MRTFB: variants seen among roughly 807,000 people sequenced by gnomAD.
The protein encoded by MRTFB is myocardin-related transcription factor B.
In MRTFB, 29 loss-of-function variants were observed where a neutral mutation model predicts 104.2. The ratio of observed to expected loss-of-function variants is 0.28; its 90% CI spans 0.21 to 0.38. The LOEUF (loss-of-function observed/expected upper bound fraction) is 0.38. Ranked by LOEUF, MRTFB falls within the 10% of genes least tolerant of loss-of-function variation. The pLI is 1.00. For missense variants in MRTFB, 1,270 were observed against 1,341.6 expected (o/e 0.95, Z 0.83); for synonymous variants, 535 against 519.5 (o/e 1.03, Z -0.41).
chr16:14,238,639 G>C (rs2042630005), intron 9 of MRTFB, among the ~76,000 whole-genome samples: 2 of 152,138 alleles, frequency 1.3e-5, no homozygotes, highest in South Asian at 2.1e-4. Flanking sequence ...ATGTTAGAAG[G>C]ATTGTACATG....
At position 14,218,934 on chromosome 16, in the gene MRTFB, C is replaced by T. The variant is rs1409853586; in HGVS notation, c.629C>T (p.Ala210Val). Residue 210 changes from alanine to valine, a missense_variant, in exon 8 of 17, where the codon GCG becomes GTG. By Grantham distance (64) the Ala-to-Val change is moderately conservative. Coordinates refer to ENST00000571589, the MANE Select transcript of MRTFB (RefSeq NM_001308142.2). The stretch of plus-strand genomic sequence containing the variant: ...AGTCAGGAGTCACAGGGGTCAGCCG[C>T]GTCCCCAAGTGAGCCAAAAGTTAGT... ...PASQESQGSA[A>V]SPSEPKVSES... is the part of the protein sequence containing the mutation. 1.9e-6 allele frequency: 3 copies of T among 1,614,070 alleles called. No homozygotes were observed. Among genetic ancestry groups the T allele is most frequent in the Non-Finnish European group, 2.5e-6 (3 of 1,180,002 alleles).
At chr16:14,039,760 C>CTTTTTTTT in the MRTFB span, among the ~76,000 whole-genome samples, 5 of 121,940 alleles carry the variant, frequency 4.1e-5, no homozygotes, top group Non-Finnish European at 8.5e-5. Flanking sequence ...ATAATATGTT[C>CTTTTTTTT]TTTTTTTTTT....
At chr16:14,022,169 G>T in the MRTFB span, among the ~76,000 whole-genome samples, 1 of 152,114 alleles carries the variant, frequency 6.6e-6, no homozygotes, top group Non-Finnish European at 1.5e-5. Context: ...TCACTTACAG[G>T]TTCCAGAGGC....
At chr16:14,243,930 G>A (rs866580328) in intron 10 of MRTFB, among the ~76,000 whole-genome samples, 12 of 149,072 alleles carry the variant, frequency 8.0e-5, no homozygotes, top group African/African-American at 2.5e-4. Flanking sequence ...TGCAATCTCG[G>A]CTCACTGCAA....
At chr16:14,025,147 G>A in the MRTFB span, among the ~76,000 whole-genome samples, 1 of 152,100 alleles carries the variant, frequency 6.6e-6, no homozygotes, top group Non-Finnish European at 1.5e-5. Flanking sequence ...ATAGACATGG[G>A]GCAGTAAACA....
chr16:14,240,362 G>C lies in MRTFB; in HGVS notation c.957G>C (p.Glu319Asp), dbSNP rs1174046920. The C allele has an allele frequency of 5.0e-6, 8 of 1,614,190 alleles. No homozygotes were observed. The highest frequency in any genetic ancestry group is 6.8e-6 in the Non-Finnish European group (8 of 1,180,026). Residue 319 changes from glutamate to aspartate, a missense_variant, in exon 10 of 17, where the codon GAG becomes GAC. Physicochemically the swap from Glu to Asp is conservative, Grantham distance 45 (BLOSUM62 2). This residue lies in a region of MRTFB where 1,144 missense variants were observed against 1,131.5 expected (regional missense o/e 1.01). Transcript: ENST00000571589. The part of the protein sequence containing the change: ...IPPDQKGEKN[E>D]PQMDSNYARL... ...CAGATCAGAAGGGTGAGAAGAATGA[G>C]CCGCAGATGGACTCTAACTACGCCC...
At chr16:14,191,432 C>G (rs1355044175) in intron 3 of MRTFB, among the ~76,000 whole-genome samples, 1 of 152,222 alleles carries the variant, frequency 6.6e-6, no homozygotes, top group Non-Finnish European at 1.5e-5. Context: ...AATTTCTTCT[C>G]TCCTGTATAT....
At chr16:14,045,739 T>C in the MRTFB span, among the ~76,000 whole-genome samples, 1 of 152,220 alleles carries the variant, frequency 6.6e-6, no homozygotes, top group Non-Finnish European at 1.5e-5. Context: ...TCTGTCTCAC[T>C]GACTTCTGAG....
Position 14,243,796 on chromosome 16 carries a change from C to T in MRTFB, c.1080-1732C>T, listed in dbSNP as rs568974350. ...AGAACATTTTCAGTACCCCAAAAGC[C>T]CCCTTTGTCTCCCTTTTCCATGATC... On this transcript the variant is annotated intron_variant, in intron 10 of 16. Coordinates refer to ENST00000571589, the MANE Select transcript of MRTFB (RefSeq NM_001308142.2). Among the ~76,000 whole-genome samples, 3 of 151,894 alleles carry T rather than the reference C, an allele frequency of 2.0e-5. No homozygotes were observed. The South Asian group carries it at 6.2e-4, about 32-fold the overall frequency.
intron 3 of MRTFB, among the ~76,000 whole-genome samples, chr16:14,162,204 C>T (rs116347697): frequency 0.013 from 1,976 of 150,384 alleles, 43 homozygotes; most frequent in African/African-American, 0.046. Context: ...CATGGTGACA[C>T]ATGCCTGTGG....
chr16:14,092,248 T>G (rs972353138), intron 2 of MRTFB, among the ~76,000 whole-genome samples: 1 of 152,136 alleles, frequency 6.6e-6, no homozygotes, highest in Admixed American at 6.5e-5. Context: ...TTTTTTTTGC[T>G]GCGATTCTCC....
At chr16:14,116,217 A>G (rs1483616784) in intron 2 of MRTFB, among the ~76,000 whole-genome samples, 1 of 151,130 alleles carries the variant, frequency 6.6e-6, no homozygotes, top group Non-Finnish European at 1.5e-5. Context: ...CTGCTTACCT[A>G]TTGACTGTAC....
chr16:14,252,553 G>A (rs536821908), intron 15 of MRTFB, 51 bp downstream of exon 15: 3 of 1,605,454 alleles, frequency 1.9e-6, no homozygotes, highest in East Asian at 2.2e-5. Context: ...ATGTGCCCAC[G>A]TTCAGTCTCG....
intron 3 of MRTFB, among the ~76,000 whole-genome samples, chr16:14,147,187 C>G (rs1042039634): frequency 1.3e-5 from 2 of 152,156 alleles, no homozygotes; most frequent in Non-Finnish European, 2.9e-5. Flanking sequence ...GAAGTATATA[C>G]TCTGTGAATA....
intron 3 of MRTFB, among the ~76,000 whole-genome samples, chr16:14,171,474 G>A (rs1333500010): frequency 6.6e-6 from 1 of 151,404 alleles, no homozygotes; most frequent in Non-Finnish European, 1.5e-5. Flanking sequence ...ATTCCAGCCT[G>A]GGCGACAGAG....
chr16:14,191,726 G>A (rs2040193364), intron 3 of MRTFB: 2 of 151,996 alleles, frequency 1.3e-5, no homozygotes, highest in Admixed American at 1.3e-4. Flanking sequence ...ATAAATTAAT[G>A]GCTTACCCCA....
chr16:14,070,829 A>G (rs892001274), upstream of MRTFB, among the ~76,000 whole-genome samples: 1 of 152,364 alleles, frequency 6.6e-6, no homozygotes, highest in East Asian at 1.9e-4. Context: ...ACACTGGCTC[A>G]GCCAATTCCT....
chr16:14,055,937 A>AT, the MRTFB span, among the ~76,000 whole-genome samples: 5 of 151,730 alleles, frequency 3.3e-5, no homozygotes, highest in Admixed American at 1.3e-4. Context: ...TCTAATGGTG[A>AT]TTTTTTTTAT....
At chr16:14,222,861 T>C (rs551745988) in intron 8 of MRTFB, among the ~76,000 whole-genome samples, 254 of 150,844 alleles carry the variant, frequency 1.7e-3, no homozygotes, top group Middle Eastern at 3.4e-3. Flanking sequence ...GGTGGCTGTT[T>C]TTTCACATGC....
Sources: allele counts gnomAD v4.1 joint callset (sites outside exome capture counted in the v4.1 genomes callset), GRCh38; gene constraint gnomAD v4.1.1; regional missense constraint gnomAD v4.1.1; transcripts MANE v1.5; gene names NCBI Gene and HGNC (gene_info 2026-07-23, HGNC 2026-07-21).